Variants in OR7E24 observed in about 807,000 individuals in gnomAD.
The protein encoded by OR7E24 is olfactory receptor 7E24.
For missense variants in OR7E24, 385 were observed against 410.3 expected, an observed-to-expected ratio of 0.94 and a Z score of 0.53; for synonymous variants, 130 against 157.5, an observed-to-expected ratio of 0.83 and a Z score of 1.31.
the OR7E24 span, among the ~76,000 whole-genome samples, chr19:9,232,306 G>T: frequency 1.1e-4 from 16 of 152,158 alleles, no homozygotes; most frequent in African/African-American, 3.4e-4. Context: ...TTGGGAGGCC[G>T]AGGTGGACGG....
chr19:9,251,714 T>C lies in OR7E24; in HGVS notation c.671T>C (p.Phe224Ser), dbSNP rs762923502. 1.7e-5 allele frequency: 28 copies of C among 1,613,482 alleles called. No individual in the cohort carries two copies. The African/African-American group carries it at 2.9e-4, about 17-fold the overall frequency. Residue 224 changes from phenylalanine (F) to serine (S), a missense_variant, in exon 1 of 1, where the codon TTT (phenylalanine) becomes TCT (serine). Coordinates refer to ENST00000456448, the MANE Select transcript of OR7E24 (RefSeq NM_001079935.2). The part of the protein sequence containing the change: ...EMVIYFMGAI[F>S]GCLPISGILF... ...GTCATATATTTCATGGGTGCCATAT[T>C]TGGCTGTCTCCCTATCTCAGGGATC...
chr19:9,234,343 TAAG>T, the OR7E24 span, among the ~76,000 whole-genome samples: 1 of 152,222 alleles, frequency 6.6e-6, no homozygotes, highest in Admixed American at 6.5e-5. Context: ...AACTATCTTA[TAAG>T]AAGAAGGAGT....
chr19:9,234,142 T>C, the OR7E24 span, among the ~76,000 whole-genome samples: 1 of 152,152 alleles, frequency 6.6e-6, no homozygotes, highest in East Asian at 1.9e-4. Flanking sequence ...GACCTCGTGA[T>C]CCGCTCACCT....
chr19:9,247,643 C>T (rs1205202481), upstream of OR7E24: 7 of 397,648 alleles, frequency 1.8e-5, no homozygotes, highest in East Asian at 3.6e-5. Context: ...AGTTTATGTT[C>T]GGGGTTTATT....
the OR7E24 span, among the ~76,000 whole-genome samples, chr19:9,217,839 G>A: frequency 0.12 from 18,039 of 151,944 alleles, 1,761 homozygotes; most frequent in African/African-American, 0.26. Context: ...GCACCTGGCC[G>A]GATCATTGTT....
At chr19:9,247,626 A>T (rs970595847), upstream of OR7E24, 2 of 398,264 alleles carry the variant, frequency 5.0e-6, no homozygotes, top group Non-Finnish European at 8.8e-6. Flanking sequence ...AGCTCAGACG[A>T]CTGTGGAGTT....
the OR7E24 span, among the ~76,000 whole-genome samples, chr19:9,215,139 T>C: frequency 1.5e-3 from 227 of 152,220 alleles, 1 homozygote; most frequent in African/African-American, 5.4e-3. Context: ...GGTCAAGAGA[T>C]TGAGACCATC....
Position 9,251,457 on chromosome 19 carries a change from T to A in OR7E24, c.402T>A (p.Tyr134Ter). ...ACATGCTCCTGAGTGTGATGGCCTATGACCGGTTTGTGGCCATCTGTCACC... is the reference window on the plus strand; with the variant it reads ...ACATGCTCCTGAGTGTGATGGCCTAAGACCGGTTTGTGGCCATCTGTCACC... Residue 134 changes from tyrosine (Y) to a stop codon, truncating the protein, a stop_gained, in exon 2 of 2, where the codon TAT (tyrosine) becomes TAA (stop). Coordinates refer to the OR7E24 transcript ENST00000641946. LOFTEE classifies it low-confidence loss of function (END_TRUNC). The A allele has an allele frequency of 6.2e-7, 1 of 1,614,214 alleles. No individual in the cohort carries two copies.
the OR7E24 span, among the ~76,000 whole-genome samples, chr19:9,236,576 A>G: frequency 6.6e-6 from 1 of 151,438 alleles, no homozygotes; most frequent in Non-Finnish European, 1.5e-5. Context: ...TGCCATCAAA[A>G]GTAATGGCCA....
the OR7E24 span, among the ~76,000 whole-genome samples, chr19:9,221,540 C>G: frequency 1.8e-5 from 2 of 109,134 alleles, no homozygotes; most frequent in African/African-American, 1.6e-4. Context: ...TTAGTAGAGA[C>G]GGGGTTATCA....
At chr19:9,207,203 C>G in the OR7E24 span, 1 of 152,198 alleles carries the variant, frequency 6.6e-6, no homozygotes, top group African/African-American at 2.4e-5. Context: ...GGATTTCACT[C>G]TTGTGCGTAC....
chr19:9,225,446 AAGAG>A, the OR7E24 span, among the ~76,000 whole-genome samples: 367 of 143,494 alleles, frequency 2.6e-3, 4 homozygotes, highest in Non-Finnish European at 3.2e-3. Flanking sequence ...GAAGAAAGAA[AAGAG>A]AGGGAGGGAG....
rs202158202 is a variant in OR7E24, at chr19:9,251,145, A to G, written c.102A>G (p.Gly34=). 46 of 1,612,192 alleles carry G rather than the reference A, an allele frequency of 2.9e-5. No individual in the cohort carries two copies. In the African/African-American group the frequency reaches 5.6e-4, roughly 20 times the overall value. Residue 34 remains glycine (G), a synonymous_variant, in exon 1 of 1, where the codon GGA becomes GGG. Transcript: ENST00000456448. ...GTGTCTCAGAATTCCTCCTCCTGGG[A>G]CTCTCAGAGGATCCAGAACTGCAGC... ...LTGVSEFLLL[G]LSEDPELQPV...
At chr19:9,242,164 G>C in the OR7E24 span, among the ~76,000 whole-genome samples, 1 of 152,154 alleles carries the variant, frequency 6.6e-6, no homozygotes, top group Non-Finnish European at 1.5e-5. Flanking sequence ...CAATAGTCAA[G>C]GCAACGTGTT....
At chr19:9,243,815 G>C (rs1403835637), upstream of OR7E24, among the ~76,000 whole-genome samples, 1 of 152,246 alleles carries the variant, frequency 6.6e-6, no homozygotes, top group Admixed American at 6.5e-5. Context: ...CAAGCAGTTA[G>C]AAGATACAGC....
At chr19:9,237,080 T>G in the OR7E24 span, among the ~76,000 whole-genome samples, 2 of 152,142 alleles carry the variant, frequency 1.3e-5, no homozygotes. Context: ...ACTCAGGAGC[T>G]TTTCAAGTTG....
Position 9,251,575 on chromosome 19 carries a change from A to C in OR7E24, c.532A>C (p.Asn178His), listed in dbSNP as rs2066148234. The change falls in exon 1 of 1, where the codon AAT becomes CAT. Residue 178 changes from asparagine (N) to histidine (H), a missense_variant. Coordinates refer to ENST00000456448, the MANE Select transcript of OR7E24 (RefSeq NM_001079935.2). ...FISLLDSQLH[N>H]LIMLQLTCFK... is the part of the protein sequence containing the mutation. Reference sequence around the variant, plus strand: ...TAGTCTTTTGGACTCCCAGTTGCACAATTTGATTATGTTACAGCTCACCTG... The same window carrying C: ...TAGTCTTTTGGACTCCCAGTTGCACCATTTGATTATGTTACAGCTCACCTG... 6.2e-7 allele frequency: 1 copy of C among 1,613,704 alleles called. No individual in the cohort carries two copies. Among genetic ancestry groups the C allele is most frequent in the African/African-American group, 1.3e-5 (1 of 74,840 alleles).
upstream of OR7E24, chr19:9,247,577 T>C (rs2066134021): frequency 2.5e-6 from 1 of 398,534 alleles, no homozygotes; most frequent in South Asian, 1.3e-4. Context: ...AACAGGACAG[T>C]GGGGTGGCAG....
the OR7E24 span, among the ~76,000 whole-genome samples, chr19:9,221,686 C>T: frequency 6.6e-6 from 1 of 152,024 alleles, no homozygotes; most frequent in African/African-American, 2.4e-5. Context: ...TCGTTTTCTT[C>T]CTACTGAGTT....
Sources: allele counts gnomAD v4.1 joint callset (sites outside exome capture counted in the v4.1 genomes callset), GRCh38; gene constraint gnomAD v4.1.1; transcripts MANE v1.5; gene names NCBI Gene and HGNC (gene_info 2026-07-23, HGNC 2026-07-21).